Variants in PCNX1 observed in about 807,000 individuals in gnomAD.
PCNX1 encodes the protein pecanex 1, also known as pecanex-like protein 1.
Under a neutral mutation model 242.2 loss-of-function variants are expected in PCNX1, and 78 were observed. The ratio of observed to expected loss-of-function variants is 0.32; its 90% CI spans 0.27 to 0.39. The LOEUF (loss-of-function observed/expected upper bound fraction) is 0.39, where lower values mean the gene tolerates loss of function less well. Among genes scored for constraint, PCNX1 ranks in the 10% least tolerant of loss-of-function variants. The pLI is 1.00. For synonymous variants in PCNX1, 1,024 were observed against 1,032.9 expected, an observed-to-expected ratio of 0.99 and a Z score of 0.17; for missense variants, 2,581 against 2,856.5, an observed-to-expected ratio of 0.90 and a Z score of 2.20.
In PCNX1 at chr14:71,073,677, T is replaced by C. The variant is rs2061642938; in HGVS notation, c.4985T>C (p.Leu1662Pro). ...AATGCTGCATTTAGCCAGCGATGGCTAGCTTGGGAAGTGATAGTCACAAAG... is the reference window on the plus strand; with the variant it reads ...AATGCTGCATTTAGCCAGCGATGGCCAGCTTGGGAAGTGATAGTCACAAAG... ...SFNAAFSQRW[L>P]AWEVIVTKYI... The change falls in exon 27 of 36, where the codon CTA becomes CCA. Residue 1662 changes from leucine to proline, a missense_variant. Leu to Pro is a moderately conservative substitution (Grantham distance 98). This residue lies in a region of PCNX1 where 298 missense variants were observed against 480.1 expected (regional missense o/e 0.62). Transcript: ENST00000304743. The C allele has an allele frequency of 6.2e-7, 1 of 1,614,108 alleles. No homozygotes were observed. Among genetic ancestry groups the C allele is most frequent in the Non-Finnish European group, 8.5e-7 (1 of 1,179,990 alleles).
intron 22 of PCNX1, among the ~76,000 whole-genome samples, chr14:71,049,807 T>A (rs772869242): frequency 2.0e-5 from 3 of 152,224 alleles, no homozygotes; most frequent in Non-Finnish European, 2.9e-5. Flanking sequence ...TTAAAGTATT[T>A]TAAAGGATGA....
At chr14:70,968,888 A>G in intron 4 of PCNX1, 133 bp from the exon 5 acceptor site, 1 of 599,496 alleles carries the variant, frequency 1.7e-6, no homozygotes, top group Non-Finnish European at 3.0e-6. Flanking sequence ...CCATTATTGT[A>G]ACCTTTGATA....
chr14:71,079,050 C>T (rs1332881906), intron 28 of PCNX1, among the ~76,000 whole-genome samples: 2 of 152,118 alleles, frequency 1.3e-5, no homozygotes, highest in Non-Finnish European at 2.9e-5. Flanking sequence ...CTCCCTGTGT[C>T]CATGTGTTCT....
chr14:71,041,927 A>G (rs2060719485), intron 19 of PCNX1, among the ~76,000 whole-genome samples: 1 of 152,034 alleles, frequency 6.6e-6, no homozygotes, highest in Admixed American at 6.6e-5. Context: ...CAGTTTCTTC[A>G]TTGACCCAGT....
chr14:70,911,093 A>G (rs977812329), intron 1 of PCNX1, among the ~76,000 whole-genome samples: 6 of 152,162 alleles, frequency 3.9e-5, no homozygotes, highest in Admixed American at 3.3e-4. Context: ...TCAGACAGCC[A>G]TAGGTTATTA....
chr14:71,009,561 G>A (rs1199121015), intron 8 of PCNX1, 73 bp from the exon 9 acceptor site: 9 of 846,850 alleles, frequency 1.1e-5, no homozygotes, highest in South Asian at 2.5e-5. Flanking sequence ...AGAAACTTAC[G>A]AAATTTAGTA....
chr14:71,056,373 T>C (rs1202333406), intron 25 of PCNX1, among the ~76,000 whole-genome samples: 1 of 152,208 alleles, frequency 6.6e-6, no homozygotes, highest in African/African-American at 2.4e-5. Flanking sequence ...AAGGGCTAGA[T>C]TTCTCATGCT....
rs752216141 is a variant in PCNX1, at chr14:70,977,992, G to A, written c.1655G>A (p.Arg552Gln). 3.5e-5 allele frequency: 56 copies of A among 1,613,998 alleles called. No individual in the cohort carries two copies. The highest frequency in any genetic ancestry group is 5.5e-5 in the South Asian group (5 of 91,082). Residue 552 changes from arginine to glutamine, a missense_variant, in exon 6 of 36, where the codon CGG (arginine) becomes CAG (glutamine). Physicochemically the swap from Arg to Gln is conservative, Grantham distance 43. Around this residue, in one of 9 missense-constraint regions of PCNX1, gnomAD observed 1,204 missense variants for 1,216.7 expected, o/e 0.99. Transcript: ENST00000304743. ...VRPKSSSVIH[R>Q]TASAHKSGRR... is the part of the protein sequence containing the mutation. ...CCTAAATCTTCTAGCGTAATCCATC[G>A]GACAGCTTCTGCCCACAAGTCAGGC...
At chr14:71,032,850 A>C (rs2060427424) in intron 16 of PCNX1, among the ~76,000 whole-genome samples, 1 of 152,222 alleles carries the variant, frequency 6.6e-6, no homozygotes, top group African/African-American at 2.4e-5. Context: ...TTGGCTTTGG[A>C]AGATAGCCTT....
intron 3 of PCNX1, among the ~76,000 whole-genome samples, chr14:70,962,657 C>T (rs1279419261): frequency 2.7e-5 from 4 of 150,716 alleles, no homozygotes; most frequent in African/African-American, 9.8e-5. Flanking sequence ...TCTGTGGTTA[C>T]CCCCAGTTTA....
At chr14:71,072,231 T>C (rs1391319431) in intron 26 of PCNX1, among the ~76,000 whole-genome samples, 1 of 152,202 alleles carries the variant, frequency 6.6e-6, no homozygotes, top group African/African-American at 2.4e-5. Context: ...GATATCACAG[T>C]GCCTTCAAAG....
chr14:71,108,734 G>A lies in PCNX1; in HGVS notation c.6432G>A (p.Gly2144=). The part of the protein sequence containing the change: ...RHSSLRMSTT[G]FVPCRRSSTS... ...CATCCCTCCGGATGTCCACCACTGG[G>A]TTTGTGCCTTGTCGGCGCTCTTCTA... Residue 2144 remains glycine, a synonymous_variant, in exon 34 of 36, where the codon GGG becomes GGA. Transcript: ENST00000304743. The A allele has an allele frequency of 6.2e-7, 1 of 1,614,236 alleles. No individual in the cohort carries two copies. Among genetic ancestry groups the A allele is most frequent in the Non-Finnish European group, 8.5e-7 (1 of 1,180,040 alleles).
chr14:71,047,605 G>A (rs1441707322), intron 21 of PCNX1, among the ~76,000 whole-genome samples: 1 of 152,094 alleles, frequency 6.6e-6, no homozygotes, highest in Non-Finnish European at 1.5e-5. Flanking sequence ...TAAAGGATAA[G>A]AATCATAATG....
chr14:70,997,845 G>T (rs1376936999), intron 8 of PCNX1, among the ~76,000 whole-genome samples: 1 of 152,112 alleles, frequency 6.6e-6, no homozygotes, highest in Non-Finnish European at 1.5e-5. Flanking sequence ...TTTTCTACTT[G>T]ATTTTAATTA....
intron 7 of PCNX1, among the ~76,000 whole-genome samples, chr14:70,991,447 A>C (rs999629981): frequency 1.3e-5 from 2 of 151,518 alleles, no homozygotes; most frequent in African/African-American, 4.9e-5. Context: ...CTCGTGATCC[A>C]CCCGCCTTGG....
chr14:71,049,329 G>T (rs1042682667), intron 22 of PCNX1, among the ~76,000 whole-genome samples: 1 of 151,982 alleles, frequency 6.6e-6, no homozygotes, highest in Admixed American at 6.6e-5. Flanking sequence ...TATTTAAATT[G>T]GTCAGTAGAT....
chr14:70,922,146 A>G (rs1003673048), intron 1 of PCNX1, among the ~76,000 whole-genome samples: 3 of 152,178 alleles, frequency 2.0e-5, no homozygotes, highest in Non-Finnish European at 4.4e-5. Flanking sequence ...GGTATGGATA[A>G]TAGTACAACT....
chr14:70,998,548 C>G (rs531796106), intron 8 of PCNX1, among the ~76,000 whole-genome samples: 1 of 151,748 alleles, frequency 6.6e-6, no homozygotes, highest in Non-Finnish European at 1.5e-5. Context: ...GTCAGTAGTT[C>G]TAGAGCAGCC....
At chr14:71,042,439 A>T (rs763867726) in intron 19 of PCNX1, among the ~76,000 whole-genome samples, 2 of 151,502 alleles carry the variant, frequency 1.3e-5, no homozygotes, top group Admixed American at 1.3e-4. Flanking sequence ...GTCTCTTTTC[A>T]TGTCTTTTGA....
Sources: gnomAD v4.1 joint callset for allele counts (sites outside exome capture counted in the v4.1 genomes callset) on GRCh38, gnomAD v4.1.1 for gene constraint, gnomAD v4.1.1 regional missense constraint, MANE v1.5 for transcripts, NCBI Gene and HGNC (gene_info 2026-07-23, HGNC 2026-07-21) for gene names.